The following SHISA9 variants were observed in gnomAD, a reference collection of about 807,000 sequenced individuals.
SHISA9 encodes the protein protein shisa-9.
Under a neutral mutation model 38.0 loss-of-function variants are expected in SHISA9, and 13 were observed. The ratio of observed to expected loss-of-function variants is 0.34; its 90% CI spans 0.22 to 0.54. The LOEUF is 0.54. Ranked by LOEUF, SHISA9 falls within the 20% of genes least tolerant of loss-of-function variation. The pLI, the probability that SHISA9 is intolerant of heterozygous loss-of-function variation, is 0.91. For missense variants in SHISA9, 538 were observed against 575.8 expected (o/e 0.93, Z 0.67); for synonymous variants, 275 against 242.0 (o/e 1.14, Z -1.27).
the SHISA9 span, among the ~76,000 whole-genome samples, chr16:13,450,699 C>T: frequency 1.3e-5 from 2 of 152,228 alleles, no homozygotes; most frequent in African/African-American, 4.8e-5. Flanking sequence ...CAGAGAAGGT[C>T]ATGGAATTTG....
the SHISA9 span, among the ~76,000 whole-genome samples, chr16:13,378,841 G>T: frequency 6.6e-6 from 1 of 152,192 alleles, no homozygotes; most frequent in Non-Finnish European, 1.5e-5. Context: ...TACCTAGTTT[G>T]GGGGTTGCTC....
chr16:13,183,123 C>G (rs1035410317), intron 2 of SHISA9, among the ~76,000 whole-genome samples: 2 of 152,170 alleles, frequency 1.3e-5, no homozygotes, highest in Admixed American at 6.5e-5. Flanking sequence ...ACACAAAATT[C>G]ACAGGGCATA....
intron 2 of SHISA9, chr16:13,197,594 C>CT (rs2050959712): frequency 6.6e-6 from 1 of 152,186 alleles, no homozygotes; most frequent in African/African-American, 2.4e-5. Flanking sequence ...TACGAGGCTC[C>CT]TTCTCTGTCT....
chr16:13,390,935 G>A, the SHISA9 span, among the ~76,000 whole-genome samples: 1,329 of 152,240 alleles, frequency 8.7e-3, 18 homozygotes, highest in African/African-American at 0.031. Flanking sequence ...CTTGATTTTC[G>A]TAACACTTTG....
the SHISA9 span, among the ~76,000 whole-genome samples, chr16:13,368,764 T>C: frequency 6.6e-6 from 1 of 151,524 alleles, no homozygotes; most frequent in Non-Finnish European, 1.5e-5. Context: ...CACTGGGATA[T>C]GGAAATAAAA....
chr16:13,174,947 A>G (rs1285280629), intron 2 of SHISA9, among the ~76,000 whole-genome samples: 1 of 152,200 alleles, frequency 6.6e-6, no homozygotes, highest in Non-Finnish European at 1.5e-5. Flanking sequence ...GAAATTTATG[A>G]CTGGGTCCTC....
the SHISA9 span, among the ~76,000 whole-genome samples, chr16:13,263,405 G>A: frequency 6.6e-6 from 1 of 152,172 alleles, no homozygotes; most frequent in African/African-American, 2.4e-5. Flanking sequence ...CCTTGGTGCT[G>A]TTCTTGTGAT....
intron 3 of SHISA9, among the ~76,000 whole-genome samples, chr16:13,213,043 G>A (rs1247304312): frequency 6.6e-6 from 1 of 152,116 alleles, no homozygotes; most frequent in Non-Finnish European, 1.5e-5. Flanking sequence ...GGGTGTTAAC[G>A]TGAGGCTGCT....
At chr16:13,118,142 A>G (rs924147138) in intron 2 of SHISA9, among the ~76,000 whole-genome samples, 2 of 150,214 alleles carry the variant, frequency 1.3e-5, no homozygotes, top group Non-Finnish European at 3.0e-5. Context: ...AGATCACGCA[A>G]TTGTACTCCA....
chr16:13,345,105 T>C, the SHISA9 span, among the ~76,000 whole-genome samples: 2 of 152,114 alleles, frequency 1.3e-5, no homozygotes, highest in Non-Finnish European at 2.9e-5. Flanking sequence ...ATTAAACTTC[T>C]TTTTTTTAAA....
the SHISA9 span, among the ~76,000 whole-genome samples, chr16:13,283,104 G>T: frequency 6.6e-6 from 1 of 152,008 alleles, no homozygotes; most frequent in Non-Finnish European, 1.5e-5. Context: ...ATAATATAAA[G>T]ACTTTGAATT....
intron 2 of SHISA9, among the ~76,000 whole-genome samples, chr16:13,019,913 T>C (rs2072821080): frequency 1.3e-5 from 1 of 77,230 alleles, no homozygotes; most frequent in Admixed American, 1.4e-4. Context: ...CTTTCTTTCT[T>C]TCTTTCTTTC....
chr16:13,503,492 T>C, the SHISA9 span, among the ~76,000 whole-genome samples: 1 of 152,196 alleles, frequency 6.6e-6, no homozygotes, highest in African/African-American at 2.4e-5. Context: ...GGAGTTGTAA[T>C]GTTTAAGACA....
At chr16:13,116,533 G>A (rs998699062) in intron 2 of SHISA9, among the ~76,000 whole-genome samples, 3 of 152,176 alleles carry the variant, frequency 2.0e-5, no homozygotes, top group African/African-American at 7.2e-5. Flanking sequence ...ACAGTGAGCA[G>A]GACACTGGCT....
At chr16:13,099,376 A>T (rs2141955652) in intron 2 of SHISA9, among the ~76,000 whole-genome samples, 2 of 152,346 alleles carry the variant, frequency 1.3e-5, no homozygotes, top group Middle Eastern at 6.8e-3. Context: ...TAGATAATAT[A>T]TAAGAAGGTA....
chr16:13,441,513 A>T, the SHISA9 span, among the ~76,000 whole-genome samples: 1 of 152,174 alleles, frequency 6.6e-6, no homozygotes, highest in Non-Finnish European at 1.5e-5. Flanking sequence ...AGCCTATCCC[A>T]TGGAACACAG....
the SHISA9 span, among the ~76,000 whole-genome samples, chr16:13,483,152 T>C: frequency 1.3e-5 from 2 of 152,338 alleles, no homozygotes; most frequent in South Asian, 4.1e-4. Flanking sequence ...TCCAAGTGCC[T>C]GATACAGGCT....
chr16:13,155,774 G>T (rs985897751), intron 2 of SHISA9, among the ~76,000 whole-genome samples: 3 of 152,074 alleles, frequency 2.0e-5, no homozygotes, highest in Non-Finnish European at 4.4e-5. Context: ...GATATTATTT[G>T]CTTCTCTGCC....
chr16:13,036,591 G>A (rs1438682722), intron 2 of SHISA9, among the ~76,000 whole-genome samples: 1 of 152,090 alleles, frequency 6.6e-6, no homozygotes, highest in Non-Finnish European at 1.5e-5. Flanking sequence ...TCATCAAAAT[G>A]TACAATTAAA....
Sources: gnomAD v4.1 joint callset for allele counts (sites outside exome capture counted in the v4.1 genomes callset) on GRCh38, gnomAD v4.1.1 for gene constraint, MANE v1.5 for transcripts, NCBI Gene and HGNC (gene_info 2026-07-23, HGNC 2026-07-21) for gene names.